MAP1B: variants seen among roughly 807,000 people sequenced by gnomAD.
MAP1B encodes microtubule-associated protein 1B.
Under a neutral mutation model 176.1 loss-of-function variants are expected in MAP1B, and 12 were observed. That is an observed-to-expected ratio of 0.07 (90% CI 0.04 to 0.11). The LOEUF (loss-of-function observed/expected upper bound fraction) is 0.11. MAP1B is among the 10% of genes least tolerant of loss of function. The pLI is 1.00. For missense variants in MAP1B, 2,523 were observed against 2,990.5 expected (o/e 0.84, Z 3.65); for synonymous variants, 1,044 against 1,135.0 (o/e 0.92, Z 1.61).
chr5:72,200,970 T>C (rs1747321890), intron 5 of MAP1B, among the ~76,000 whole-genome samples: 1 of 152,202 alleles, frequency 6.6e-6, no homozygotes, highest in Non-Finnish European at 1.5e-5. Flanking sequence ...CCAGTGAGTG[T>C]CCGGTGAAAA....
chr5:72,199,299 AG>A lies in MAP1B; in HGVS notation c.5946del (p.Arg1982SerfsTer254), dbSNP rs1747266616. On this transcript the variant is annotated frameshift_variant, in exon 5 of 7. Transcript: ENST00000296755. LOFTEE classifies it high-confidence loss of function. The surrounding 1 kb of genome is among the most constrained non-coding windows in gnomAD (Gnocchi z 4.2). ...CTATGAAAAGACTGAGAGGTCTAGA[AG>A]GCTTCTGGATGACATCAGCAATGGC... ...YSYEKTERSR[R>X]LLDDISNGYD... is the part of the protein sequence containing the mutation. 1 of 1,614,042 alleles carries A rather than the reference AG, an allele frequency of 6.2e-7. No individual in the cohort carries two copies. Among genetic ancestry groups the A allele is most frequent in the Non-Finnish European group, 8.5e-7 (1 of 1,180,036 alleles).
intron 2 of MAP1B, chr5:72,116,361 T>G: frequency 2.9e-6 from 1 of 349,666 alleles, no homozygotes; most frequent in Non-Finnish European, 5.4e-6. Context: ...CACTTATCTT[T>G]CTTCGTGTGG....
In MAP1B at chr5:72,199,290, A is replaced by C; in HGVS notation, c.5935A>C (p.Arg1979=). ...VSGYSYEKTE[R]SRRLLDDISN... is the part of the protein sequence containing the mutation. ...TGGTTACAGCTATGAAAAGACTGAG[A>C]GGTCTAGAAGGCTTCTGGATGACAT... Residue 1979 remains arginine (R), a synonymous_variant, in exon 5 of 7, where the codon AGG becomes CGG. Transcript: ENST00000296755. The surrounding 1 kb of genome is among the most constrained non-coding windows in gnomAD (Gnocchi z 4.2). The C allele has an allele frequency of 5.0e-6, 8 of 1,614,142 alleles. No homozygotes were observed. The highest frequency in any genetic ancestry group is 5.1e-6 in the Non-Finnish European group (6 of 1,180,022).
intron 2 of MAP1B, among the ~76,000 whole-genome samples, chr5:72,170,685 C>T (rs78975549): frequency 9.2e-5 from 14 of 152,254 alleles, no homozygotes; most frequent in Middle Eastern, 3.4e-3. Context: ...TATAGCCAGA[C>T]GCGGTTGTTC....
In MAP1B at chr5:72,107,508, C is replaced by T. The variant is rs1350902132; in HGVS notation, c.-24C>T. ...GAGGAGCGGCCGGAGCGAGACACTT[C>T]GCCGAGGCACAGCAGCCGGCAGGAT... On this transcript the variant is annotated 5_prime_UTR_variant, in exon 1 of 7. Coordinates refer to ENST00000296755, the MANE Select transcript of MAP1B (RefSeq NM_005909.5). 2.0e-6 allele frequency: 3 copies of T among 1,536,824 alleles called. No homozygotes were observed. The highest frequency in any genetic ancestry group is 2.6e-6 in the Non-Finnish European group (3 of 1,144,226).
rs1747296778 is a variant in MAP1B, at chr5:72,200,071, T to C, written c.6716T>C (p.Leu2239Pro). Residue 2239 changes from leucine to proline, a missense_variant, in exon 5 of 7, where the codon CTG (leucine) becomes CCG (proline). Coordinates refer to ENST00000296755, the MANE Select transcript of MAP1B (RefSeq NM_005909.5). ...CTGGGCAAAGCTCTAAAGAAAGATCTGAAAGAGAAGACCAAAACCAAAAAG... is the reference window on the plus strand; with the variant it reads ...CTGGGCAAAGCTCTAAAGAAAGATCCGAAAGAGAAGACCAAAACCAAAAAG... ...QNLGKALKKD[L>P]KEKTKTKKPG... The C allele has an allele frequency of 6.2e-7, 1 of 1,614,034 alleles. No individual in the cohort carries two copies. The highest frequency in any genetic ancestry group is 8.5e-7 in the Non-Finnish European group (1 of 1,180,032).
chr5:72,186,728 T>A lies in MAP1B; in HGVS notation c.484T>A (p.Phe162Ile). ...LQSGSFSFQN[F>I]IEIFTDQEIG... ...GTCCGGCTCTTTCTCCTTCCAGAACTTCATAGAGATTTTCACCGATCAAGA... is the reference window on the plus strand; with the variant it reads ...GTCCGGCTCTTTCTCCTTCCAGAACATCATAGAGATTTTCACCGATCAAGA... The change falls in exon 4 of 7, where the codon TTC becomes ATC. Residue 162 changes from phenylalanine (F) to isoleucine (I), a missense_variant. This residue lies in a region of MAP1B where 307 missense variants were observed against 438.4 expected (regional missense o/e 0.70). Coordinates refer to ENST00000296755, the MANE Select transcript of MAP1B (RefSeq NM_005909.5). The surrounding 1 kb of genome is among the most constrained non-coding windows in gnomAD (Gnocchi z 4.3). 2 of 1,614,158 alleles carry A rather than the reference T, an allele frequency of 1.2e-6. No homozygotes were observed. The highest frequency in any genetic ancestry group is 8.5e-7 in the Non-Finnish European group (1 of 1,180,034).
chr5:72,197,567 T>C lies in MAP1B; in HGVS notation c.4212T>C (p.Ile1404=). 1 of 1,614,206 alleles carries C rather than the reference T, an allele frequency of 6.2e-7. No individual in the cohort carries two copies. Among genetic ancestry groups the C allele is most frequent in the Non-Finnish European group, 8.5e-7 (1 of 1,180,038 alleles). Residue 1404 remains isoleucine, a synonymous_variant, in exon 5 of 7, where the codon ATT becomes ATC. Transcript: ENST00000296755. ...VLSPLRSPPL[I]GSESAYESFL... is the part of the protein sequence containing the mutation. Reference sequence around the variant, plus strand: ...CTCCTTTACGCAGCCCGCCCCTCATTGGATCCGAGTCTGCTTATGAAAGTT... The same window carrying C: ...CTCCTTTACGCAGCCCGCCCCTCATCGGATCCGAGTCTGCTTATGAAAGTT...
chr5:72,166,422 A>G (rs1746430446), intron 2 of MAP1B, among the ~76,000 whole-genome samples: 1 of 152,180 alleles, frequency 6.6e-6, no homozygotes, highest in South Asian at 2.1e-4. Context: ...GTTTGTAAAA[A>G]TGCATGTAAA....
Position 72,199,882 on chromosome 5 carries a change from C to T in MAP1B, c.6527C>T (p.Ala2176Val). 1 of 1,614,168 alleles carries T rather than the reference C, an allele frequency of 6.2e-7. No homozygotes were observed. Among genetic ancestry groups the T allele is most frequent in the Non-Finnish European group, 8.5e-7 (1 of 1,180,034 alleles). Residue 2176 changes from alanine (A) to valine (V), a missense_variant, in exon 5 of 7, where the codon GCC (alanine) becomes GTC (valine). Transcript: ENST00000296755. The surrounding 1 kb of genome is among the most constrained non-coding windows in gnomAD (Gnocchi z 4.2). ...GAGTGCCCCTCCATCACGGCCGATG[C>T]CAATATCGACTCTGAAGACGAGTCG... Reference protein sequence around the residue: ...TEECPSITADANIDSEDESET... With the variant: ...TEECPSITADVNIDSEDESET...
At chr5:72,147,532 T>C (rs192276455) in intron 2 of MAP1B, among the ~76,000 whole-genome samples, 8 of 151,730 alleles carry the variant, frequency 5.3e-5, no homozygotes, top group South Asian at 2.1e-4. Flanking sequence ...AATCACAAAA[T>C]GCAGAGAAAG....
intron 2 of MAP1B, among the ~76,000 whole-genome samples, chr5:72,140,483 G>C (rs752152647): frequency 6.6e-6 from 1 of 152,130 alleles, no homozygotes; most frequent in Non-Finnish European, 1.5e-5. Flanking sequence ...AAGAACACTG[G>C]TATAGAGGTT....
In MAP1B at chr5:72,120,574, A is replaced by G. The variant is rs373178747; in HGVS notation, c.286+4775A>G. Reference sequence around the variant, plus strand: ...CGAGTAGCTGGGACTACAGGCGCCCACCACCATGCCTGGCTATTTTTTTTT... The same window carrying G: ...CGAGTAGCTGGGACTACAGGCGCCCGCCACCATGCCTGGCTATTTTTTTTT... On this transcript the variant is annotated intron_variant, in intron 2 of 6. Transcript: ENST00000296755. Among the ~76,000 whole-genome samples the G allele has an allele frequency of 4.6e-4, 70 of 151,568 alleles. 1 individual carries two copies. In the East Asian group the frequency reaches 8.5e-3, roughly 18 times the overall value.
rs1481092300 is a variant in MAP1B, at chr5:72,199,578, G to A, written c.6223G>A (p.Glu2075Lys). 6.2e-7 allele frequency: 1 copy of A among 1,614,148 alleles called. No homozygotes were observed. Among genetic ancestry groups the A allele is most frequent in the Admixed American group, 1.7e-5 (1 of 60,012 alleles). Residue 2075 changes from glutamate (E) to lysine (K), a missense_variant, in exon 5 of 7, where the codon GAA (glutamate) becomes AAA (lysine). Glu to Lys is a moderately conservative substitution (Grantham distance 56, BLOSUM62 1). Coordinates refer to ENST00000296755, the MANE Select transcript of MAP1B (RefSeq NM_005909.5). The surrounding 1 kb of genome is among the most constrained non-coding windows in gnomAD (Gnocchi z 4.2). ...CACTGCAGAAAAGAAGTCCCCCTCA[G>A]AAGCCCGTCAGGATGTCGATTTATG... ...CYTAEKKSPS[E>K]ARQDVDLCLV... is the part of the protein sequence containing the mutation.
chr5:72,122,811 A>G lies in MAP1B; in HGVS notation c.286+7012A>G, dbSNP rs141644898. 8.5e-4 allele frequency among the ~76,000 whole-genome samples: 129 copies of G among 152,236 alleles called. 1 individual carries two copies. The East Asian group carries it at 0.024, about 28-fold the overall frequency. On this transcript the variant is annotated intron_variant, in intron 2 of 6. Transcript: ENST00000296755. ...CCAGGAGCCATTTTAGGAGATGTCA[A>G]TAACCCCTCCATTAAACCCAACTAA...
In MAP1B at chr5:72,196,697, T is replaced by G. The variant is rs201432182; in HGVS notation, c.3342T>G (p.Thr1114=). The G allele has an allele frequency of 6.8e-4, 1,101 of 1,614,100 alleles. 4 individuals are homozygous for G. The highest frequency in any genetic ancestry group is 6.2e-4 in the Non-Finnish European group (733 of 1,179,978). Residue 1114 remains threonine, a synonymous_variant, in exon 5 of 7, where the codon ACT becomes ACG. Transcript: ENST00000296755. The surrounding 1 kb of genome is among the most constrained non-coding windows in gnomAD (Gnocchi z 5.3). ...GAGAAGACCAGCCTGAGGAATTCAC[T>G]GCCACCTCTGGCTACACTCAGTCTA... ...ENREDQPEEF[T]ATSGYTQSTI... is the part of the protein sequence containing the mutation.
At chr5:72,136,847 T>C (rs937160162) in intron 2 of MAP1B, among the ~76,000 whole-genome samples, 8 of 152,198 alleles carry the variant, frequency 5.3e-5, no homozygotes, top group African/African-American at 1.9e-4. Flanking sequence ...TTAAATAATA[T>C]GTGAATTATT....
chr5:72,130,405 A>G (rs747983415), intron 2 of MAP1B, among the ~76,000 whole-genome samples: 5 of 152,230 alleles, frequency 3.3e-5, no homozygotes, highest in Non-Finnish European at 7.3e-5. Context: ...GAATAGTGCC[A>G]GGCATGTGGG....
Position 72,163,184 on chromosome 5 carries a change from C to T in MAP1B, c.287-20559C>T, listed in dbSNP as rs528582245. Among the ~76,000 whole-genome samples, 217 of 137,716 alleles carry T rather than the reference C, an allele frequency of 1.6e-3. 1 individual carries two copies. The highest frequency in any genetic ancestry group is 2.6e-3 in the Non-Finnish European group (173 of 66,180). 90.3% of individuals were successfully genotyped at this position (137,716 alleles called of 152,430 possible). A position where few individuals can be genotyped will look rare whatever the true frequency, so the allele number is the denominator to read the frequency against. ...TGGAGGTTGTGGTGAGCCAATATCACGCCACTGAACTCCAGCCTGGGTGAC... is the reference window on the plus strand; with the variant it reads ...TGGAGGTTGTGGTGAGCCAATATCATGCCACTGAACTCCAGCCTGGGTGAC... On this transcript the variant is annotated intron_variant, in intron 2 of 6. Coordinates refer to ENST00000296755, the MANE Select transcript of MAP1B (RefSeq NM_005909.5).
Sources: gnomAD v4.1 joint callset for allele counts (sites outside exome capture counted in the v4.1 genomes callset) on GRCh38, gnomAD v4.1.1 for gene constraint, gnomAD v4.1.1 regional missense constraint, Gnocchi (gnomAD v3.1) non-coding constraint, MANE v1.5 for transcripts, NCBI Gene and HGNC (gene_info 2026-07-23, HGNC 2026-07-21) for gene names.